ICE2: variants seen among roughly 807,000 people sequenced by gnomAD.
ICE2 encodes the protein interactor of little elongation complex ELL subunit 2.
A neutral mutation model predicts 105.4 loss-of-function variants in ICE2; 87 were observed. The observed-to-expected ratio is 0.83, with a 90% CI of 0.69 to 0.99. The LOEUF (loss-of-function observed/expected upper bound fraction) is 0.99. Among genes scored for constraint, ICE2 ranks in the 50% least tolerant of loss-of-function variants. ICE2 has a pLI of 0.00. For missense variants in ICE2, 1,323 were observed against 1,146.7 expected (o/e 1.15, Z -2.22); for synonymous variants, 399 against 392.0 (o/e 1.02, Z -0.21).
chr15:60,446,635 T>A (rs1174711383), intron 11 of ICE2, among the ~76,000 whole-genome samples: 2 of 152,172 alleles, frequency 1.3e-5, no homozygotes. Context: ...GACCTCGTGA[T>A]CTGCCCACCT....
chr15:60,474,305 C>T (rs1381742076), intron 3 of ICE2, among the ~76,000 whole-genome samples: 1 of 152,072 alleles, frequency 6.6e-6, no homozygotes, highest in Admixed American at 6.6e-5. Flanking sequence ...TAATGGCAAT[C>T]TGGCAATATC....
intron 11 of ICE2, among the ~76,000 whole-genome samples, chr15:60,444,965 G>A (rs1158806470): frequency 2.6e-5 from 4 of 152,142 alleles, no homozygotes; most frequent in Admixed American, 6.5e-5. Context: ...GATTACAGGC[G>A]TGAGCCACCG....
At chr15:60,426,645 C>CA (rs1211730668) in intron 15 of ICE2, among the ~76,000 whole-genome samples, 1 of 152,174 alleles carries the variant, frequency 6.6e-6, no homozygotes, top group East Asian at 1.9e-4. Flanking sequence ...CAGTCTATAT[C>CA]AATAAGGAAA....
Position 60,449,205 on chromosome 15 carries a change from T to A in ICE2, c.1762A>T (p.Ser588Cys). ...LIIDTECKNN[S>C]DGKTAVVGSN... is the part of the protein sequence containing the mutation. ...CCCACAACAGCTGTCTTTCCATCACTATTATTTTTACATTCTGTATCAATG... is the reference window on the plus strand; with the variant it reads ...CCCACAACAGCTGTCTTTCCATCACAATTATTTTTACATTCTGTATCAATG... Residue 588 changes from serine to cysteine, a missense_variant, in exon 10 of 16, where the codon AGT becomes TGT. Ser to Cys is a moderately radical substitution (Grantham distance 112, BLOSUM62 -1). Transcript: ENST00000261520. 1 of 1,614,138 alleles carries A rather than the reference T, an allele frequency of 6.2e-7. No individual in the cohort carries two copies. The highest frequency in any genetic ancestry group is 8.5e-7 in the Non-Finnish European group (1 of 1,179,998).
intron 5 of ICE2, among the ~76,000 whole-genome samples, chr15:60,462,077 A>T (rs1346914865): frequency 2.0e-5 from 3 of 152,236 alleles, no homozygotes; most frequent in African/African-American, 7.2e-5. Flanking sequence ...TAATTTTTTT[A>T]AAAGTGGTAT....
At chr15:60,477,301 T>C (rs1381327320) in intron 2 of ICE2, among the ~76,000 whole-genome samples, 1 of 152,206 alleles carries the variant, frequency 6.6e-6, no homozygotes, top group African/African-American at 2.4e-5. Context: ...GGGAGTGTTG[T>C]TAGCAATAAA....
chr15:60,477,535 T>C (rs1040283629), intron 2 of ICE2, among the ~76,000 whole-genome samples: 1 of 152,224 alleles, frequency 6.6e-6, no homozygotes, highest in Admixed American at 6.5e-5. Context: ...ATACAGTCTA[T>C]GCATTTATAT....
intron 5 of ICE2, among the ~76,000 whole-genome samples, chr15:60,457,607 A>T (rs2064162709): frequency 6.6e-6 from 1 of 152,130 alleles, no homozygotes; most frequent in Non-Finnish European, 1.5e-5. Flanking sequence ...ATATTTGTAA[A>T]ATGTGTCACG....
chr15:60,475,415 C>A (rs1482258506), intron 3 of ICE2, among the ~76,000 whole-genome samples: 2 of 151,410 alleles, frequency 1.3e-5, no homozygotes, highest in Non-Finnish European at 1.5e-5. Context: ...GTATATCTTA[C>A]AGAAATAACT....
chr15:60,423,751 C>A lies in ICE2; in HGVS notation c.2832G>T (p.Thr944=). Residue 944 remains threonine (T), a synonymous_variant, in exon 16 of 16, where the codon ACG becomes ACT. Coordinates refer to ENST00000261520, the MANE Select transcript of ICE2 (RefSeq NM_024611.6). ...DTTTQQKIGG[T]RMPTRSHRNP... is the part of the protein sequence containing the mutation. ...TCCTGTGGCTGCGTGTAGGCATTCT[C>A]GTTCCACCAATCTAAGAGATGAAGC... 1 of 1,590,570 alleles carries A rather than the reference C, an allele frequency of 6.3e-7. No individual in the cohort carries two copies. Among genetic ancestry groups the A allele is most frequent in the South Asian group, 1.2e-5 (1 of 86,784 alleles).
At position 60,476,319 on chromosome 15, in the gene ICE2, C is replaced by T. The variant is rs77950589; in HGVS notation, c.42-152G>A. On this transcript the variant is annotated intron_variant, in intron 2 of 15. Coordinates refer to ENST00000261520, the MANE Select transcript of ICE2 (RefSeq NM_024611.6). ...TCTTACTATGTTTAATTTCATATACCAGATCTGTGGGCTTAGAAGTGTTAC... is the reference window on the plus strand; with the variant it reads ...TCTTACTATGTTTAATTTCATATACTAGATCTGTGGGCTTAGAAGTGTTAC... 3.6e-5 allele frequency: 21 copies of T among 580,608 alleles called. No homozygotes were observed. In the East Asian group the frequency reaches 6.6e-4, roughly 18 times the overall value. 36.0% of individuals were successfully genotyped at this position (580,608 alleles called of 1,614,324 possible).
intron 4 of ICE2, 46 bp downstream of exon 4, chr15:60,468,015 C>A: frequency 1.4e-6 from 2 of 1,434,728 alleles, no homozygotes; most frequent in East Asian, 2.5e-5. Flanking sequence ...AAAATATTTC[C>A]TAATTTTTAT....
chr15:60,442,276 G>A, intron 12 of ICE2, 140 bp downstream of exon 12: 1 of 728,680 alleles, frequency 1.4e-6, no homozygotes. Context: ...CTGGGCAACA[G>A]AATGAGACCC....
In ICE2 at chr15:60,478,084, A is replaced by C; in HGVS notation, c.-92-15T>G. The C allele has an allele frequency of 4.0e-6, 4 of 1,000,610 alleles. No individual in the cohort carries two copies. Among genetic ancestry groups the C allele is most frequent in the Non-Finnish European group, 6.3e-6 (4 of 630,990 alleles). 62.0% of individuals were successfully genotyped at this position (1,000,610 alleles called of 1,614,324 possible). On this transcript the variant is annotated splice_polypyrimidine_tract_variant and intron_variant, in intron 1 of 15. Coordinates refer to ENST00000261520, the MANE Select transcript of ICE2 (RefSeq NM_024611.6). ...AACTTACTCAGCTGAGTAAAAACAAAAGGCCAAGATCAAAAGCAAGTGATT... is the reference window on the plus strand; with the variant it reads ...AACTTACTCAGCTGAGTAAAAACAACAGGCCAAGATCAAAAGCAAGTGATT...
intron 1 of ICE2, chr15:60,478,753 T>TG (rs202154594): frequency 5.1e-5 from 18 of 351,156 alleles, no homozygotes; most frequent in Non-Finnish European, 8.6e-5. Context: ...AGTGTGGAGC[T>TG]GGGGGGGAAT....
intron 3 of ICE2, among the ~76,000 whole-genome samples, chr15:60,474,093 C>T (rs1317753303): frequency 1.3e-5 from 2 of 152,048 alleles, no homozygotes; most frequent in Middle Eastern, 3.4e-3. Flanking sequence ...GAGACGGGGT[C>T]TCAATTTGTT....
At position 60,456,694 on chromosome 15, in the gene ICE2, T is replaced by TCTA; in HGVS notation, c.626_628dup (p.Val209dup). 5.6e-6 allele frequency: 9 copies of TCTA among 1,597,690 alleles called. No homozygotes were observed. The highest frequency in any genetic ancestry group is 6.8e-6 in the Non-Finnish European group (8 of 1,171,878). ...AGTTTTTTCTAACTTTAATCCCATC[T>TCTA]CTACTCTGAATGGGAAGAATCCCAT... On this transcript the variant is annotated inframe_insertion, in exon 6 of 16. Transcript: ENST00000261520.
At position 60,422,895 on chromosome 15, in the gene ICE2, CACTG is replaced by C. The variant is rs995091379; in HGVS notation, c.*735_*738del. On this transcript the variant is annotated 3_prime_UTR_variant, in exon 16 of 16. Transcript: ENST00000261520. ...TTAACCTTGTCATCTGGAGCAATGA[CACTG>C]ACTTTTTTTCTGGAAAACATACCTA... 2.0e-5 allele frequency: 3 copies of C among 152,082 alleles called. No individual in the cohort carries two copies. The highest frequency in any genetic ancestry group is 7.2e-5 in the African/African-American group (3 of 41,394). 9.4% of individuals were successfully genotyped at this position (152,082 alleles called of 1,614,324 possible). A position where few individuals can be genotyped will look rare whatever the true frequency, so the allele number is the denominator to read the frequency against.
chr15:60,458,832 T>G (rs377302156), intron 5 of ICE2, among the ~76,000 whole-genome samples: 102 of 152,118 alleles, frequency 6.7e-4, no homozygotes, highest in African/African-American at 2.3e-3. Context: ...TTGAGGACAT[T>G]ATGCTAAGTG....
Sources: gnomAD v4.1 joint callset for allele counts (sites outside exome capture counted in the v4.1 genomes callset) on GRCh38, gnomAD v4.1.1 for gene constraint, MANE v1.5 for transcripts, NCBI Gene and HGNC (gene_info 2026-07-23, HGNC 2026-07-21) for gene names.